PALM2AKAP2: variants seen among roughly 807,000 people sequenced by gnomAD.
The protein encoded by PALM2AKAP2 is PALM2-AKAP2 fusion protein.
In PALM2AKAP2, 37 loss-of-function variants were observed where a neutral mutation model predicts 71.5. The ratio of observed to expected loss-of-function variants is 0.52; its 90% CI spans 0.40 to 0.68. PALM2AKAP2 has a LOEUF of 0.68. PALM2AKAP2 is among the 30% of genes least tolerant of loss of function. The probability of loss-of-function intolerance (pLI) is 0.00; values close to 1 mark genes in which losing one functional copy is unlikely to be tolerated. For missense variants in PALM2AKAP2, 1,224 were observed against 1,191.8 expected, an observed-to-expected ratio of 1.03 and a Z score of -0.40; for synonymous variants, 468 against 478.8, an observed-to-expected ratio of 0.98 and a Z score of 0.29.
At chr9:109,943,021 G>A (rs771845687) in intron 6 of PALM2AKAP2, 12 of 1,614,074 alleles carry the variant, frequency 7.4e-6, no homozygotes, top group Non-Finnish European at 1.0e-5. Flanking sequence ...GTTAGAAATG[G>A]TACATAAGTC....
chr9:109,991,306 G>A (rs1398264339), intron 6 of PALM2AKAP2, among the ~76,000 whole-genome samples: 1 of 151,298 alleles, frequency 6.6e-6, no homozygotes, highest in Non-Finnish European at 1.5e-5. Flanking sequence ...GCGTGATCAC[G>A]GCTCACTGCA....
chr9:110,127,698 C>T (rs1453121222), intron 1 of PALM2AKAP2: 1 of 152,258 alleles, frequency 6.6e-6, no homozygotes, highest in Non-Finnish European at 1.5e-5. Flanking sequence ...TTCCTGTCGT[C>T]GTTAGCAGGG....
intron 3 of PALM2AKAP2, among the ~76,000 whole-genome samples, chr9:109,903,792 A>ATT (rs759047872): frequency 9.9e-5 from 14 of 141,218 alleles, no homozygotes; most frequent in East Asian, 6.2e-4. Context: ...GATTTTCTGG[A>ATT]TTTTTTTTTT....
intron 6 of PALM2AKAP2, among the ~76,000 whole-genome samples, chr9:110,001,647 C>T (rs1196679480): frequency 1.3e-5 from 2 of 152,188 alleles, no homozygotes; most frequent in African/African-American, 4.8e-5. Flanking sequence ...TACCCATGAG[C>T]ATGGAATGTT....
chr9:109,661,858 A>G lies in PALM2AKAP2; in HGVS notation c.5+20992A>G, dbSNP rs575640651. ...TTATTTTGTTGAGCAGTGGTTTGTAATTCTCCTTGAAGAGGTCCTTCACAT... is the reference window on the plus strand; with the variant it reads ...TTATTTTGTTGAGCAGTGGTTTGTAGTTCTCCTTGAAGAGGTCCTTCACAT... On this transcript the variant is annotated intron_variant, in intron 1 of 6. Coordinates refer to the PALM2AKAP2 transcript ENST00000374531. 1.4e-4 allele frequency among the ~76,000 whole-genome samples: 22 copies of G among 152,114 alleles called. No individual in the cohort carries two copies. In the South Asian group the frequency reaches 3.7e-3, roughly 26 times the overall value.
In PALM2AKAP2 at chr9:109,665,675, C is replaced by T. The variant is rs187924760; in HGVS notation, c.5+24809C>T. 5.9e-5 allele frequency among the ~76,000 whole-genome samples: 9 copies of T among 152,316 alleles called. 1 individual carries two copies. In the East Asian group the frequency reaches 1.4e-3, roughly 23 times the overall value. ...GACCCACTTGAGGAGGCAGTCTGTC[C>T]GTTGTTGGAGCTCAAATGCTGTGCT... On this transcript the variant is annotated intron_variant, in intron 1 of 6. Coordinates refer to the PALM2AKAP2 transcript ENST00000374531.
intron 7 of PALM2AKAP2, among the ~76,000 whole-genome samples, chr9:110,040,378 C>T (rs548594307): frequency 4.7e-4 from 71 of 152,112 alleles, no homozygotes; most frequent in Middle Eastern, 3.2e-3. Context: ...GTGAAGTTTA[C>T]GTTAATGCTA....
chr9:110,048,779 A>C, exon 1 of PALM2AKAP2: 3 of 1,532,154 alleles, frequency 2.0e-6, no homozygotes, highest in Admixed American at 2.0e-5. Flanking sequence ...GGACCCCCGG[A>C]GCGGGAGGCA....
chr9:109,975,533 A>C (rs1217966031), intron 6 of PALM2AKAP2, among the ~76,000 whole-genome samples: 1 of 152,262 alleles, frequency 6.6e-6, no homozygotes, highest in African/African-American at 2.4e-5. Context: ...TTTACCATCT[A>C]TCTAGCCATT....
intron 1 of PALM2AKAP2, among the ~76,000 whole-genome samples, chr9:110,119,544 G>A (rs1315908684): frequency 6.6e-6 from 1 of 151,964 alleles, no homozygotes. Flanking sequence ...TTTTAAAGTG[G>A]GGTCCACGTT....
exon 4 of PALM2AKAP2, chr9:110,168,772 G>T: frequency 2.8e-6 from 1 of 359,620 alleles, no homozygotes; most frequent in Non-Finnish European, 5.1e-6. Flanking sequence ...GGATCCAAAA[G>T]GACAAAACAT....
intron 1 of PALM2AKAP2, among the ~76,000 whole-genome samples, chr9:109,682,829 T>C (rs1348990153): frequency 2.0e-5 from 3 of 152,188 alleles, no homozygotes; most frequent in Admixed American, 6.5e-5. Context: ...TGCAGTGGGT[T>C]GAATAGTGGC....
At chr9:109,660,705 T>C (rs1242139298) in intron 1 of PALM2AKAP2, among the ~76,000 whole-genome samples, 1 of 152,170 alleles carries the variant, frequency 6.6e-6, no homozygotes, top group Non-Finnish European at 1.5e-5. Flanking sequence ...CCTTGTCAAA[T>C]GGTAATTCTA....
Position 109,885,572 on chromosome 9 carries a change from G to C in PALM2AKAP2, c.257+4891G>C, listed in dbSNP as rs150037245. On this transcript the variant is annotated intron_variant, in intron 3 of 9. Coordinates refer to the PALM2AKAP2 transcript ENST00000302798. ...ATTTTAATACCTAGAAACCCCCCAA[G>C]GAGAGTGGGAAGTAAATCATGTTTA... Among the ~76,000 whole-genome samples, 274 of 152,250 alleles carry C rather than the reference G, an allele frequency of 1.8e-3. 1 individual carries two copies. The South Asian group carries it at 0.024, about 13-fold the overall frequency.
intron 1 of PALM2AKAP2, among the ~76,000 whole-genome samples, chr9:109,690,002 GA>G (rs1827859063): frequency 2.6e-5 from 4 of 152,156 alleles, no homozygotes; most frequent in Admixed American, 6.5e-5. Context: ...CAAGAATGGG[GA>G]AGAGTTTTTT....
At chr9:109,835,238 G>GGGAAAGAGGAGAGGGTGTAA (rs1828430914) in intron 1 of PALM2AKAP2, among the ~76,000 whole-genome samples, 1 of 148,436 alleles carries the variant, frequency 6.7e-6, no homozygotes, top group African/African-American at 2.5e-5. Context: ...AGAGGGTTTA[G>GGGAAAGAGGAGAGGGTGTAA]GGAAAGAGGA....
intron 1 of PALM2AKAP2, among the ~76,000 whole-genome samples, chr9:109,683,828 T>G (rs1252763888): frequency 6.6e-6 from 1 of 152,092 alleles, no homozygotes. Context: ...GGATCATTAT[T>G]GGTTATGATA....
intron 1 of PALM2AKAP2, among the ~76,000 whole-genome samples, chr9:110,112,044 A>C (rs1020522388): frequency 2.0e-5 from 3 of 152,172 alleles, no homozygotes; most frequent in Middle Eastern, 6.8e-3. Flanking sequence ...TATATAAGAC[A>C]AACAGTCATT....
chr9:110,167,644 G>A (rs1836771165), intron 3 of PALM2AKAP2, among the ~76,000 whole-genome samples: 1 of 152,128 alleles, frequency 6.6e-6, no homozygotes, highest in Admixed American at 6.5e-5. Flanking sequence ...GGGGTCTGAA[G>A]TTGCATCAGA....
Sources: allele counts gnomAD v4.1 joint callset (sites outside exome capture counted in the v4.1 genomes callset), GRCh38; gene constraint gnomAD v4.1.1; transcripts MANE v1.5; gene names NCBI Gene and HGNC (gene_info 2026-07-23, HGNC 2026-07-21).